Variants in GAS7 observed in about 807,000 individuals in gnomAD.
GAS7 encodes the protein growth arrest-specific protein 7.
A neutral mutation model predicts 71.1 loss-of-function variants in GAS7; 28 were observed. That is an observed-to-expected ratio of 0.39 (90% CI 0.29 to 0.54). GAS7 has a LOEUF of 0.54. Ranked by LOEUF, GAS7 falls within the 20% of genes least tolerant of loss-of-function variation. The pLI, the probability that GAS7 is intolerant of heterozygous loss-of-function variation, is 0.62. For missense variants in GAS7, 436 were observed against 627.8 expected (o/e 0.69, Z 3.27); for synonymous variants, 258 against 245.8 (o/e 1.05, Z -0.46).
intron 11 of GAS7, among the ~76,000 whole-genome samples, chr17:9,921,157 C>CTT (rs962798348): frequency 1.6e-4 from 22 of 137,396 alleles, no homozygotes; most frequent in East Asian, 1.1e-3. Context: ...GCATTTTTTT[C>CTT]TTTTTTTTTT....
Position 9,981,149 on chromosome 17 carries a change from G to A in GAS7, c.385+655C>T, listed in dbSNP as rs1025163944. 4.6e-5 allele frequency among the ~76,000 whole-genome samples: 7 copies of A among 152,158 alleles called. 1 individual carries two copies. Among genetic ancestry groups the A allele is most frequent in the South Asian group, 2.1e-4 (1 of 4,822 alleles). On this transcript the variant is annotated intron_variant, in intron 3 of 13. Transcript: ENST00000432992. This position sits in a 1 kb window ranked among gnomAD's most constrained non-coding sequence, Gnocchi z 4.4. ...TCTACTAAAAATACACAAATTAGCC[G>A]GGTGTGGTGGTGCGCACCTGCAATC...
intron 2 of GAS7, among the ~76,000 whole-genome samples, chr17:10,016,703 C>T (rs888868113): frequency 6.8e-6 from 1 of 148,124 alleles, no homozygotes. Context: ...TACTTGAGGC[C>T]AAGAATTCAA....
At chr17:10,170,768 C>T (rs1364933735) in intron 1 of GAS7, among the ~76,000 whole-genome samples, 1 of 152,194 alleles carries the variant, frequency 6.6e-6, no homozygotes, top group African/African-American at 2.4e-5. Context: ...GTGAATGAGC[C>T]CCGTATCTTG....
At chr17:10,063,594 C>T (rs2073243542) in intron 1 of GAS7, among the ~76,000 whole-genome samples, 1 of 152,308 alleles carries the variant, frequency 6.6e-6, no homozygotes, top group Middle Eastern at 3.4e-3. Context: ...AGAGTGCATA[C>T]ACTTAAACAG....
At chr17:10,174,660 C>T (rs9904498) in intron 1 of GAS7, among the ~76,000 whole-genome samples, 45,807 of 151,436 alleles carry the variant, frequency 0.3, 7,368 homozygotes, top group East Asian at 0.49. Context: ...CCACTGCACT[C>T]CAGCCTGGGC....
At chr17:10,009,688 AAC>A (rs951953945) in intron 2 of GAS7, among the ~76,000 whole-genome samples, 12 of 150,550 alleles carry the variant, frequency 8.0e-5, no homozygotes, top group African/African-American at 3.0e-4. Flanking sequence ...AAAAAAAAAA[AAC>A]CAAACAAAAA....
At chr17:9,921,157 C>CT (rs962798348) in intron 11 of GAS7, among the ~76,000 whole-genome samples, 2,364 of 137,364 alleles carry the variant, frequency 0.017, 68 homozygotes, top group East Asian at 0.07. Context: ...GCATTTTTTT[C>CT]TTTTTTTTTT....
At position 9,916,290 on chromosome 17, in the gene GAS7, C is replaced by G; in HGVS notation, c.*938G>C. 4.3e-6 allele frequency: 1 copy of G among 233,312 alleles called. No individual in the cohort carries two copies. The highest frequency in any genetic ancestry group is 8.5e-6 in the Non-Finnish European group (1 of 118,086). The allele number at this position is 233,312 out of a possible 1,614,324, so 14.5% of individuals were successfully genotyped here. A position where few individuals can be genotyped will look rare whatever the true frequency, so the allele number is the denominator to read the frequency against. ...CGGCCCGGGAGAGTGGGGGCCAGGGCAGCCCAAAGGTGCACAGGGCACCGT... is the reference window on the plus strand; with the variant it reads ...CGGCCCGGGAGAGTGGGGGCCAGGGGAGCCCAAAGGTGCACAGGGCACCGT... On this transcript the variant is annotated 3_prime_UTR_variant, in exon 14 of 14. Coordinates refer to ENST00000432992, the MANE Select transcript of GAS7 (RefSeq NM_201433.2).
At chr17:10,097,130 G>A (rs2073649197) in intron 1 of GAS7, among the ~76,000 whole-genome samples, 1 of 152,160 alleles carries the variant, frequency 6.6e-6, no homozygotes, top group Non-Finnish European at 1.5e-5. Flanking sequence ...TCTAGTCTTG[G>A]GGAATCCTAC....
At chr17:10,041,574 G>T (rs1257305312) in intron 1 of GAS7, among the ~76,000 whole-genome samples, 1 of 152,276 alleles carries the variant, frequency 6.6e-6, no homozygotes, top group East Asian at 1.9e-4. Context: ...AATTCTTTAG[G>T]ATTCCCCAAA....
chr17:10,071,709 G>A lies in GAS7; in HGVS notation c.184-51812C>T, dbSNP rs2073341030. Among the ~76,000 whole-genome samples, 3 of 152,158 alleles carry A rather than the reference G, an allele frequency of 2.0e-5. No individual in the cohort carries two copies. The South Asian group carries it at 6.2e-4, about 32-fold the overall frequency. On this transcript the variant is annotated intron_variant, in intron 1 of 13. Transcript: ENST00000432992. ...GGAGGCCAAGGCAGGCAGATCACCT[G>A]AGGTCAGGAGTTCAAGACCAGCCTT...
intron 1 of GAS7, among the ~76,000 whole-genome samples, chr17:10,170,152 T>TCC (rs1341720701): frequency 6.6e-6 from 1 of 151,254 alleles, no homozygotes; most frequent in Non-Finnish European, 1.5e-5. Flanking sequence ...TACCCTCTGC[T>TCC]CCCCCCTCCA....
chr17:10,167,042 G>GCCTTTTTTTT (rs2074299263), intron 1 of GAS7, among the ~76,000 whole-genome samples: 2 of 46,610 alleles, frequency 4.3e-5, no homozygotes, highest in East Asian at 1.1e-3. Context: ...ATTTCCATTT[G>GCCTTTTTTTT]TCTTTTTTTT....
chr17:10,192,003 G>C (rs182871613), intron 1 of GAS7, among the ~76,000 whole-genome samples: 14 of 152,200 alleles, frequency 9.2e-5, no homozygotes, highest in African/African-American at 3.4e-4. Flanking sequence ...GAACTAGGAA[G>C]TTAAACTAAA....
At chr17:9,935,613 T>C (rs1051302037) in intron 8 of GAS7, among the ~76,000 whole-genome samples, 1 of 152,224 alleles carries the variant, frequency 6.6e-6, no homozygotes, top group Non-Finnish European at 1.5e-5. Flanking sequence ...CAGCGAAGAA[T>C]TGCCCAACAG....
At chr17:10,147,087 C>T (rs1475726166) in intron 1 of GAS7, among the ~76,000 whole-genome samples, 2 of 152,134 alleles carry the variant, frequency 1.3e-5, no homozygotes, top group Admixed American at 6.5e-5. Flanking sequence ...TCAAGAATTA[C>T]AGTAAGCAAG....
intron 2 of GAS7, among the ~76,000 whole-genome samples, chr17:9,989,747 T>C (rs895276611): frequency 3.3e-5 from 5 of 152,178 alleles, no homozygotes; most frequent in East Asian, 3.8e-4. Flanking sequence ...AGAATGAAGA[T>C]CTGAGAGAAA....
Position 10,060,350 on chromosome 17 carries a change from A to T in GAS7, c.184-40453T>A, listed in dbSNP as rs142895759. On this transcript the variant is annotated intron_variant, in intron 1 of 13. Coordinates refer to ENST00000432992, the MANE Select transcript of GAS7 (RefSeq NM_201433.2). ...TGAGCTGGGAGTGGGAGGAGGGAGC[A>T]GCAGCGCAGGGTCTTCAACCTCATG... is the stretch of plus-strand genomic sequence containing the variant. 4.7e-3 allele frequency among the ~76,000 whole-genome samples: 714 copies of T among 152,308 alleles called. 9 individuals are homozygous for T. The highest frequency in any genetic ancestry group is 0.024 in the Middle Eastern group (7 of 294).
intron 1 of GAS7, among the ~76,000 whole-genome samples, chr17:10,097,152 G>A (rs1180791018): frequency 6.6e-6 from 1 of 152,100 alleles, no homozygotes; most frequent in African/African-American, 2.4e-5. Flanking sequence ...CCTCTGTAAG[G>A]CCTCCTCACC....
Sources: gnomAD v4.1 joint callset for allele counts (sites outside exome capture counted in the v4.1 genomes callset) on GRCh38, gnomAD v4.1.1 for gene constraint, Gnocchi (gnomAD v3.1) non-coding constraint, MANE v1.5 for transcripts, NCBI Gene and HGNC (gene_info 2026-07-23, HGNC 2026-07-21) for gene names.